The following ARHGAP6 variants were observed in gnomAD, a reference collection of about 807,000 sequenced individuals.
ARHGAP6 encodes the protein rho GTPase-activating protein 6.
Under a neutral mutation model 55.7 loss-of-function variants are expected in ARHGAP6, and 16 were observed. That is an observed-to-expected ratio of 0.29 (90% confidence interval 0.19 to 0.44). The LOEUF is 0.44. ARHGAP6 is among the 20% of genes least tolerant of loss of function. The probability of loss-of-function intolerance (pLI) is 1.00; values close to 1 mark genes in which losing one functional copy is unlikely to be tolerated. For missense variants in ARHGAP6, 698 were observed against 808.9 expected, an observed-to-expected ratio of 0.86 and a Z score of 1.66; for synonymous variants, 382 against 360.9, an observed-to-expected ratio of 1.06 and a Z score of -0.66.
chrX:11,417,071 T>C (rs1454566507), intron 1 of ARHGAP6, among the ~76,000 whole-genome samples: 1 of 37,615 alleles, frequency 2.7e-5, no homozygotes, highest in African/African-American at 8.6e-5. Flanking sequence ...TATATATATA[T>C]ATATATATAT....
At chrX:11,657,939 T>C (rs5979450) in intron 1 of ARHGAP6, among the ~76,000 whole-genome samples, 15,678 of 111,375 alleles carry the variant, frequency 0.14, 1,018 homozygotes, top group Middle Eastern at 0.27. Context: ...AAGAAGATTC[T>C]TGGAACTTAG....
At chrX:11,548,470 A>G (rs1390743508) in intron 1 of ARHGAP6, among the ~76,000 whole-genome samples, 1 of 111,390 alleles carries the variant, frequency 9.0e-6, no homozygotes, top group Non-Finnish European at 1.9e-5. Flanking sequence ...CCTTTGGCTC[A>G]AAATTTTTTT....
In ARHGAP6 at chrX:11,664,731, C is replaced by T. The variant is rs1369184353; in HGVS notation, c.98G>A (p.Arg33His). The T allele has an allele frequency of 1.7e-6, 2 of 1,195,015 alleles. No individual in the cohort carries two copies. Among genetic ancestry groups the T allele is most frequent in the South Asian group, 1.8e-5 (1 of 54,479 alleles). The change falls in exon 1 of 13, where the codon CGC (arginine) becomes CAC (histidine). Residue 33 changes from arginine (R) to histidine (H), a missense_variant. Transcript: ENST00000337414. ...SAKGFSKRKL[R>H]QTRSLDPALI... is the part of the protein sequence containing the mutation. ...GGCCGGGTCCAGGCTGCGGGTCTGG[C>T]GCAGCTTCCTCTTGGAGAAGCCCTT...
chrX:11,306,076 A>G (rs1259708851), intron 1 of ARHGAP6, among the ~76,000 whole-genome samples: 1 of 111,430 alleles, frequency 9.0e-6, no homozygotes, highest in East Asian at 2.8e-4. Flanking sequence ...CCTCACCTCA[A>G]TGCCACCTCT....
chrX:11,427,714 CGTGCCGA>C, intron 1 of ARHGAP6: 1 of 796,594 alleles, frequency 1.3e-6, no homozygotes, highest in Non-Finnish European at 1.5e-6. Context: ...CTGCTCCGTG[CGTGCCGA>C]GTGCTGTGCA....
chrX:11,519,564 T>C (rs1012520425), intron 1 of ARHGAP6, among the ~76,000 whole-genome samples: 5 of 111,082 alleles, frequency 4.5e-5, no homozygotes, highest in Non-Finnish European at 7.5e-5. Context: ...GCTGGAGGCA[T>C]CACACTACCT....
At chrX:11,560,441 A>G (rs767028073) in intron 1 of ARHGAP6, among the ~76,000 whole-genome samples, 1 of 112,720 alleles carries the variant, frequency 8.9e-6, no homozygotes, top group South Asian at 3.7e-4. Flanking sequence ...TGTGTTCTCT[A>G]GAACCCCAGA....
chrX:11,525,492 C>T (rs997203795), intron 1 of ARHGAP6, among the ~76,000 whole-genome samples: 1 of 111,763 alleles, frequency 8.9e-6, no homozygotes, highest in Non-Finnish European at 1.9e-5. Context: ...TCATTTGATT[C>T]ATAAGGAAAA....
In ARHGAP6 at chrX:11,142,316, A is replaced by G. The variant is rs1290706574; in HGVS notation, c.2177-3T>C. 28 of 1,173,976 alleles carry G rather than the reference A, an allele frequency of 2.4e-5. No homozygotes were observed. The highest frequency in any genetic ancestry group is 3.0e-5 in the Non-Finnish European group (26 of 870,355). On this transcript the variant is annotated splice_polypyrimidine_tract_variant and splice_region_variant and intron_variant, in intron 11 of 12. Coordinates refer to ENST00000337414, the MANE Select transcript of ARHGAP6 (RefSeq NM_013427.3). Reference sequence around the variant, plus strand: ...ATCGAAAGGCTCCTCTGACAGATCTAGGGAAAAAGTGTATAAAAAGGTATA... The same window carrying G: ...ATCGAAAGGCTCCTCTGACAGATCTGGGGAAAAAGTGTATAAAAAGGTATA...
At chrX:11,625,091 C>T (rs1168186073) in intron 1 of ARHGAP6, among the ~76,000 whole-genome samples, 1 of 111,538 alleles carries the variant, frequency 9.0e-6, no homozygotes, top group Non-Finnish European at 1.9e-5. Flanking sequence ...TTATGGAAAA[C>T]AATATGAATT....
intron 10 of ARHGAP6, among the ~76,000 whole-genome samples, chrX:11,147,325 A>G (rs1488784393): frequency 1.8e-5 from 2 of 113,076 alleles, no homozygotes; most frequent in African/African-American, 6.4e-5. Flanking sequence ...ACATATACAC[A>G]TAAATGCAAC....
At chrX:11,216,802 G>A (rs1452951777) in intron 2 of ARHGAP6, among the ~76,000 whole-genome samples, 2 of 110,873 alleles carry the variant, frequency 1.8e-5, no homozygotes, top group African/African-American at 6.6e-5. Flanking sequence ...GTGTCATGGT[G>A]GTTTGCTGCA....
At chrX:11,288,774 C>CTTCCTTCACTGAATGTAATGT (rs1405717962) in intron 1 of ARHGAP6, among the ~76,000 whole-genome samples, 5 of 111,997 alleles carry the variant, frequency 4.5e-5, no homozygotes, top group Admixed American at 1.9e-4. Context: ...TTATGACTGG[C>CTTCCTTCACTGAATGTAATGT]TTCCTTCACT....
chrX:11,243,055 C>A (rs1249037346), intron 2 of ARHGAP6, among the ~76,000 whole-genome samples: 2 of 112,010 alleles, frequency 1.8e-5, no homozygotes, highest in African/African-American at 6.5e-5. Context: ...TAATGTATCT[C>A]ATTTAATTTT....
In ARHGAP6 at chrX:11,139,278, G is replaced by A. The variant is rs747945468; in HGVS notation, c.2510C>T (p.Ser837Leu). 1 of 1,192,500 alleles carries A rather than the reference G, an allele frequency of 8.4e-7. No homozygotes were observed. Among genetic ancestry groups the A allele is most frequent in the Admixed American group, 2.3e-5 (1 of 44,079 alleles). Reference protein sequence around the residue: ...AGKAERPTARSEQYLTLSGAH... With the variant: ...AGKAERPTARLEQYLTLSGAH... ...GCCGCTCAGGGTCAAGTACTGCTCC[G>A]ACCTGGCCGTGGGCCGCTCGGCTTT... The change falls in exon 13 of 13, where the codon TCG (serine) becomes TTG (leucine). Residue 837 changes from serine (S) to leucine (L), a missense_variant. Coordinates refer to ENST00000337414, the MANE Select transcript of ARHGAP6 (RefSeq NM_013427.3).
intron 1 of ARHGAP6, among the ~76,000 whole-genome samples, chrX:11,426,167 C>A (rs1214722998): frequency 9.0e-6 from 1 of 111,455 alleles, no homozygotes; most frequent in Admixed American, 9.5e-5. Context: ...GGGAAGGTAT[C>A]TTAACAATTT....
At chrX:11,494,255 T>TA (rs1347190463) in intron 1 of ARHGAP6, among the ~76,000 whole-genome samples, 1 of 111,817 alleles carries the variant, frequency 8.9e-6, no homozygotes, top group African/African-American at 3.3e-5. Flanking sequence ...AATGAACAAA[T>TA]AAAAATCAGT....
intron 1 of ARHGAP6, among the ~76,000 whole-genome samples, chrX:11,285,237 C>T (rs1314235792): frequency 1.8e-5 from 2 of 108,204 alleles, no homozygotes; most frequent in East Asian, 5.8e-4. Context: ...CAAACTCCCT[C>T]AGATGTTCTG....
chrX:11,357,999 A>G (rs953483190), intron 1 of ARHGAP6, among the ~76,000 whole-genome samples: 4 of 111,837 alleles, frequency 3.6e-5, no homozygotes, highest in Non-Finnish European at 7.5e-5. Context: ...GAGCATTTTC[A>G]TCACCTTAAA....
Sources: gnomAD v4.1 joint callset for allele counts (sites outside exome capture counted in the v4.1 genomes callset) on GRCh38, gnomAD v4.1.1 for gene constraint, MANE v1.5 for transcripts, NCBI Gene and HGNC (gene_info 2026-07-23, HGNC 2026-07-21) for gene names.